ITGA11: variants seen among roughly 807,000 people sequenced by gnomAD.
ITGA11 encodes the protein integrin subunit alpha 11, also known as integrin alpha-11.
In ITGA11, 97 loss-of-function variants were observed where a neutral mutation model predicts 141.9. The observed-to-expected ratio is 0.68, with a 90% CI of 0.58 to 0.81. The LOEUF (loss-of-function observed/expected upper bound fraction) is 0.81. Ranked by LOEUF, ITGA11 falls within the 30% of genes least tolerant of loss-of-function variation. The pLI is 0.00. For missense variants in ITGA11, 1,387 were observed against 1,559.2 expected (o/e 0.89, Z 1.86); for synonymous variants, 658 against 624.6 (o/e 1.05, Z -0.80).
intron 1 of ITGA11, among the ~76,000 whole-genome samples, chr15:68,417,130 G>A (rs1896907317): frequency 6.6e-6 from 1 of 151,848 alleles, no homozygotes; most frequent in Admixed American, 6.6e-5. Context: ...ACCCCACCCA[G>A]CCCAGGCCTG....
intron 7 of ITGA11, among the ~76,000 whole-genome samples, chr15:68,353,723 C>T (rs1481442346): frequency 1.3e-5 from 2 of 152,130 alleles, no homozygotes; most frequent in Admixed American, 6.5e-5. Flanking sequence ...ATACTCATAA[C>T]AGGCTCCATG....
At chr15:68,366,426 T>C (rs945438162) in intron 3 of ITGA11, among the ~76,000 whole-genome samples, 4 of 152,098 alleles carry the variant, frequency 2.6e-5, no homozygotes, top group Admixed American at 6.5e-5. Flanking sequence ...TTTTCTCCCA[T>C]CTGATGGCAT....
chr15:68,391,247 T>C (rs1896114310), intron 2 of ITGA11, among the ~76,000 whole-genome samples: 1 of 152,206 alleles, frequency 6.6e-6, no homozygotes, highest in African/African-American at 2.4e-5. Flanking sequence ...TCAGCTCGGC[T>C]GTGGCAGTAA....
intron 1 of ITGA11, among the ~76,000 whole-genome samples, chr15:68,403,311 C>T (rs959506352): frequency 3.3e-5 from 5 of 152,102 alleles, no homozygotes; most frequent in Admixed American, 2.0e-4. Flanking sequence ...AAACAGGATT[C>T]CCAATGTTGG....
Position 68,336,181 on chromosome 15 carries a change from A to G in ITGA11, c.1277-336T>C, listed in dbSNP as rs189330090. Reference sequence around the variant, plus strand: ...CCTGCTCATGAGCACAGCAGAGGGCAATGGGGAGTAGGGCAGACTCTAGCC... The same window carrying G: ...CCTGCTCATGAGCACAGCAGAGGGCGATGGGGAGTAGGGCAGACTCTAGCC... On this transcript the variant is annotated intron_variant, in intron 11 of 29. Transcript: ENST00000315757. 4.9e-3 allele frequency: 1,611 copies of G among 326,478 alleles called. 8 individuals are homozygous for G. The highest frequency in any genetic ancestry group is 0.013 in the Middle Eastern group (14 of 1,084). The allele number at this position is 326,478 out of a possible 1,614,324, so 20.2% of individuals were successfully genotyped here.
At chr15:68,399,931 A>G (rs1009268487) in intron 2 of ITGA11, among the ~76,000 whole-genome samples, 5 of 152,162 alleles carry the variant, frequency 3.3e-5, no homozygotes, top group Non-Finnish European at 1.5e-5. Flanking sequence ...AAATCTGCAC[A>G]TGTACTCCCT....
intron 2 of ITGA11, among the ~76,000 whole-genome samples, chr15:68,394,016 A>T (rs1270235724): frequency 6.6e-6 from 1 of 152,230 alleles, no homozygotes; most frequent in Non-Finnish European, 1.5e-5. Flanking sequence ...GCTGTGTTAG[A>T]AATGAAAATG....
chr15:68,353,673 T>C (rs530255124), intron 7 of ITGA11, among the ~76,000 whole-genome samples: 2 of 152,304 alleles, frequency 1.3e-5, no homozygotes, highest in African/African-American at 4.8e-5. Context: ...TGTTCCTTTG[T>C]AAATTAGATT....
intron 2 of ITGA11, among the ~76,000 whole-genome samples, chr15:68,375,127 C>G (rs10851785): frequency 0.81 from 123,792 of 152,132 alleles, 50,641 homozygotes; most frequent in East Asian, 1. Flanking sequence ...AGCAGGGCCT[C>G]TCCCCACAGG....
At chr15:68,314,002 G>A in intron 22 of ITGA11, 134 bp from the exon 23 acceptor site, 1 of 664,604 alleles carries the variant, frequency 1.5e-6, no homozygotes, top group Admixed American at 2.5e-5. Context: ...GCCAGACAGG[G>A]AACCTGAGGC....
intron 24 of ITGA11, 111 bp downstream of exon 24, chr15:68,312,662 G>A: frequency 1.3e-6 from 1 of 750,296 alleles, no homozygotes; most frequent in African/African-American, 1.7e-5. Flanking sequence ...GTGGGTGGCA[G>A]GGTTGAGGCT....
chr15:68,297,408 T>G lies in ITGA11; in HGVS notation c.*5651A>C, dbSNP rs544823582. ...CATTGAATTAATAGATTTAGGGACATCTGTACAGTTCTGCACTTCTGAGCT... is the reference window on the plus strand; with the variant it reads ...CATTGAATTAATAGATTTAGGGACAGCTGTACAGTTCTGCACTTCTGAGCT... On this transcript the variant is annotated 3_prime_UTR_variant, in exon 30 of 30. Transcript: ENST00000315757. 1.3e-5 allele frequency: 2 copies of G among 150,680 alleles called. No homozygotes were observed. Among genetic ancestry groups the G allele is most frequent in the Non-Finnish European group, 3.0e-5 (2 of 67,666 alleles). 9.3% of individuals were successfully genotyped at this position (150,680 alleles called of 1,614,324 possible). A position where few individuals can be genotyped will look rare whatever the true frequency, so the allele number is the denominator to read the frequency against.
intron 2 of ITGA11, among the ~76,000 whole-genome samples, chr15:68,384,903 T>A (rs74764039): frequency 6.6e-6 from 1 of 152,188 alleles, no homozygotes; most frequent in Non-Finnish European, 1.5e-5. Context: ...CTGTCACTGA[T>A]GAAAAAGGGC....
chr15:68,404,781 G>C (rs1427741093), intron 1 of ITGA11, among the ~76,000 whole-genome samples: 1 of 152,162 alleles, frequency 6.6e-6, no homozygotes, highest in East Asian at 1.9e-4. Flanking sequence ...TTAAATTTGA[G>C]GGGTGGGATC....
rs187703352 is a variant in ITGA11, at chr15:68,365,917, G to A, written c.266-1119C>T. On this transcript the variant is annotated intron_variant, in intron 3 of 29. Transcript: ENST00000315757. ...CTGTGTCGGTGACTGGAAGTGTGAA[G>A]AGTCGGCCTGGCTCCCAGGGCACAC... Among the ~76,000 whole-genome samples, 233 of 152,256 alleles carry A rather than the reference G, an allele frequency of 1.5e-3. 1 individual carries two copies. Among genetic ancestry groups the A allele is most frequent in the African/African-American group, 5.5e-3 (227 of 41,552 alleles).
intron 10 of ITGA11, among the ~76,000 whole-genome samples, chr15:68,345,654 C>T (rs1472130877): frequency 6.6e-6 from 1 of 152,240 alleles, no homozygotes; most frequent in Non-Finnish European, 1.5e-5. Context: ...CCTTCAGTAT[C>T]TCTTCAGGCA....
chr15:68,311,749 C>T (rs756069334), intron 24 of ITGA11, among the ~76,000 whole-genome samples: 3 of 152,282 alleles, frequency 2.0e-5, no homozygotes, highest in Non-Finnish European at 4.4e-5. Context: ...AAGATGGTGA[C>T]AGCAATGAAT....
chr15:68,382,785 G>A (rs1467996258), intron 2 of ITGA11, among the ~76,000 whole-genome samples: 12 of 152,090 alleles, frequency 7.9e-5, no homozygotes, highest in Middle Eastern at 3.4e-3. Context: ...TTGTCTCAAG[G>A]TGACTCATCA....
chr15:68,338,187 T>A (rs1356092141), intron 11 of ITGA11, among the ~76,000 whole-genome samples: 2 of 152,250 alleles, frequency 1.3e-5, no homozygotes. Flanking sequence ...CACGAGTCAT[T>A]CTAGTTTCTA....
Sources: gnomAD v4.1 joint callset for allele counts (sites outside exome capture counted in the v4.1 genomes callset) on GRCh38, gnomAD v4.1.1 for gene constraint, MANE v1.5 for transcripts, NCBI Gene and HGNC (gene_info 2026-07-23, HGNC 2026-07-21) for gene names.